The following MTMR10 variants were observed in gnomAD, a reference collection of about 807,000 sequenced individuals.
MTMR10 encodes myotubularin related protein 10, also known as myotubularin-related protein 10.
A neutral mutation model predicts 88.1 loss-of-function variants in MTMR10; 56 were observed. That is an observed-to-expected ratio of 0.64 (90% CI 0.51 to 0.79). The LOEUF is 0.79. Ranked by LOEUF, MTMR10 falls within the 30% of genes least tolerant of loss-of-function variation. The probability of loss-of-function intolerance (pLI) is 0.00; values close to 1 mark genes in which losing one functional copy is unlikely to be tolerated. For synonymous variants in MTMR10, 380 were observed against 340.9 expected (o/e 1.11, Z -1.26); for missense variants, 883 against 924.7 (o/e 0.95, Z 0.58).
chr15:30,975,074 C>A, intron 3 of MTMR10, 71 bp from the exon 4 acceptor site: 1 of 1,165,174 alleles, frequency 8.6e-7, no homozygotes. Context: ...AAGCCTTAAA[C>A]TGTGATGATA....
chr15:30,988,615 C>A (rs1010168131), intron 2 of MTMR10, among the ~76,000 whole-genome samples: 7 of 152,166 alleles, frequency 4.6e-5, no homozygotes, highest in African/African-American at 1.7e-4. Context: ...GAATTGATAA[C>A]CCTCAGTGAG....
Position 30,941,463 on chromosome 15 carries a change from C to G in MTMR10, c.*7G>C. 1 of 1,595,582 alleles carries G rather than the reference C, an allele frequency of 6.3e-7. No individual in the cohort carries two copies. The highest frequency in any genetic ancestry group is 8.5e-7 in the Non-Finnish European group (1 of 1,170,858). Reference sequence around the variant, plus strand: ...CTTCCCTCAAAATGTTCAGAAAACACCCTATTTTAGTCTTCATTTGCTAAT... The same window carrying G: ...CTTCCCTCAAAATGTTCAGAAAACAGCCTATTTTAGTCTTCATTTGCTAAT... On this transcript the variant is annotated 3_prime_UTR_variant, in exon 16 of 16. Coordinates refer to ENST00000435680, the MANE Select transcript of MTMR10 (RefSeq NM_017762.3).
At chr15:30,977,424 T>C (rs1290763529) in intron 2 of MTMR10, among the ~76,000 whole-genome samples, 1 of 152,224 alleles carries the variant, frequency 6.6e-6, no homozygotes, top group African/African-American at 2.4e-5. Flanking sequence ...ATGTATTCCA[T>C]AAAGCCAAAT....
intron 4 of MTMR10, among the ~76,000 whole-genome samples, 156 bp from the exon 5 acceptor site, chr15:30,974,612 G>C (rs2029977439): frequency 6.6e-6 from 1 of 151,916 alleles, no homozygotes; most frequent in Non-Finnish European, 1.5e-5. Context: ...CTAGAACTTG[G>C]GGGTTGGTTT....
intron 2 of MTMR10, among the ~76,000 whole-genome samples, chr15:30,979,994 C>T (rs1949967737): frequency 6.6e-6 from 1 of 152,186 alleles, no homozygotes. Context: ...AAACAAATAC[C>T]TTATGGTCCG....
In MTMR10 at chr15:30,953,496, C is replaced by T. The variant is rs930221630; in HGVS notation, c.1136+66G>A. 9 of 1,242,478 alleles carry T rather than the reference C, an allele frequency of 7.2e-6. No individual in the cohort carries two copies. The East Asian group carries it at 2.3e-4, about 32-fold the overall frequency. 77.0% of individuals were successfully genotyped at this position (1,242,478 alleles called of 1,614,324 possible). A position where few individuals can be genotyped will look rare whatever the true frequency, so the allele number is the denominator to read the frequency against. ...ATGGCCCTCTGTGCTATTTTTGTAC[C>T]TCCAGTGAGTCTGTAGTTATCTCAA... On this transcript the variant is annotated intron_variant, in intron 11 of 15. Transcript: ENST00000435680.
At chr15:30,955,362 C>G (rs1351165707) in intron 9 of MTMR10, among the ~76,000 whole-genome samples, 1 of 152,216 alleles carries the variant, frequency 6.6e-6, no homozygotes, top group African/African-American at 2.4e-5. Flanking sequence ...CCTCCCCCTC[C>G]CGGGTTCAAG....
intron 11 of MTMR10, among the ~76,000 whole-genome samples, chr15:30,952,339 G>T (rs1397774749): frequency 1.3e-5 from 2 of 152,166 alleles, no homozygotes; most frequent in Admixed American, 6.5e-5. Flanking sequence ...TTACTTATAC[G>T]ATTTCTCAAA....
downstream of MTMR10, among the ~76,000 whole-genome samples, chr15:30,934,175 C>A (rs893859533): frequency 1.3e-5 from 2 of 152,190 alleles, no homozygotes; most frequent in African/African-American, 4.8e-5. Context: ...CAGTGACCCC[C>A]CCTTTACACC....
chr15:30,944,989 G>C (rs1245689964), intron 14 of MTMR10, among the ~76,000 whole-genome samples: 1 of 151,462 alleles, frequency 6.6e-6, no homozygotes, highest in East Asian at 1.9e-4. Context: ...TCCAGCCTGG[G>C]TGACAGAGCC....
rs755277542 is a variant in MTMR10 at position 30,940,214 on chromosome 15, T to TAAGA, written c.*1252_*1255dup. The TAAGA allele has an allele frequency of 4.3e-5, 42 of 985,098 alleles. No homozygotes were observed. The highest frequency in any genetic ancestry group is 7.0e-5 in the African/African-American group (4 of 57,184). 61.0% of individuals were successfully genotyped at this position (985,098 alleles called of 1,614,324 possible). On this transcript the variant is annotated 3_prime_UTR_variant, in exon 16 of 16. Transcript: ENST00000435680. ...GAGGTGGTGCCCCGTTTCACTGCTGTAAGAAGCTTCAGCTTTGACCGCTAC... is the reference window on the plus strand; with the variant it reads ...GAGGTGGTGCCCCGTTTCACTGCTGTAAGAAAGAAGCTTCAGCTTTGACCGCTAC...
At position 30,941,828 on chromosome 15, in the gene MTMR10, A is replaced by C; in HGVS notation, c.1976T>G (p.Leu659Arg). ...VSGTHIKLWK[L>R]CYFRWVPEAQ... ...CTCGGGAACCCAGCGGAAGTAGCAC[A>C]GTTTCCACAGTTTTATGTGTGTTCC... The change falls in exon 16 of 16, where the codon CTG becomes CGG. Residue 659 changes from leucine to arginine, a missense_variant. Leu to Arg is a moderately radical substitution (Grantham distance 102). This residue lies in a region of MTMR10 where 343 missense variants were observed against 323.2 expected (regional missense o/e 1.06). Transcript: ENST00000435680. The C allele has an allele frequency of 6.2e-7, 1 of 1,614,060 alleles. No homozygotes were observed. Among genetic ancestry groups the C allele is most frequent in the Non-Finnish European group, 8.5e-7 (1 of 1,179,898 alleles).
rs1462486807 is a variant in MTMR10 at position 30,940,410 on chromosome 15, T to C, written c.*1060A>G. The C allele has an allele frequency of 1.0e-6, 1 of 985,330 alleles. No homozygotes were observed. Among genetic ancestry groups the C allele is most frequent in the East Asian group, 1.1e-4 (1 of 8,836 alleles). The allele number at this position is 985,330 out of a possible 1,614,324, so 61.0% of individuals were successfully genotyped here. ...TGGCAGTGTTTTGAGAGAATCCATTTTTTTATTTCTCCTCTATTCCTAAGC... is the reference window on the plus strand; with the variant it reads ...TGGCAGTGTTTTGAGAGAATCCATTCTTTTATTTCTCCTCTATTCCTAAGC... On this transcript the variant is annotated 3_prime_UTR_variant, in exon 16 of 16. Coordinates refer to ENST00000435680, the MANE Select transcript of MTMR10 (RefSeq NM_017762.3).
intron 5 of MTMR10, among the ~76,000 whole-genome samples, chr15:30,969,608 T>C (rs1299206256): frequency 5.9e-5 from 9 of 152,172 alleles, no homozygotes; most frequent in African/African-American, 2.2e-4. Context: ...CCTTACATTC[T>C]AGAAATCTAC....
chr15:30,950,609 G>A (rs2063230609), intron 12 of MTMR10, among the ~76,000 whole-genome samples: 1 of 151,734 alleles, frequency 6.6e-6, no homozygotes, highest in African/African-American at 2.4e-5. Context: ...GGTGGAGGTT[G>A]CAGTGAGCTG....
chr15:30,975,461 T>TC (rs34640769), intron 3 of MTMR10, among the ~76,000 whole-genome samples: 40,432 of 152,092 alleles, frequency 0.27, 5,896 homozygotes, highest in Non-Finnish European at 0.33. Context: ...ACACTATCAA[T>TC]CTGCTGTCAG....
chr15:30,985,635 G>C (rs1009441115), intron 2 of MTMR10, among the ~76,000 whole-genome samples: 14 of 152,210 alleles, frequency 9.2e-5, no homozygotes, highest in African/African-American at 3.4e-4. Flanking sequence ...TGATTAATCT[G>C]CAAGCTATAT....
chr15:30,929,172 A>C, the MTMR10 span: 5 of 1,602,814 alleles, frequency 3.1e-6, no homozygotes, highest in Non-Finnish European at 4.3e-6. Flanking sequence ...CTGCAGGCAC[A>C]GTATGACAGC....
chr15:30,922,113 T>A, the MTMR10 span: 1 of 1,296,560 alleles, frequency 7.7e-7, no homozygotes, highest in Non-Finnish European at 1.1e-6. Flanking sequence ...GTCCTTGGCC[T>A]CATTGTAGAA....
Sources: allele counts gnomAD v4.1 joint callset (sites outside exome capture counted in the v4.1 genomes callset), GRCh38; gene constraint gnomAD v4.1.1; regional missense constraint gnomAD v4.1.1; transcripts MANE v1.5; gene names NCBI Gene and HGNC (gene_info 2026-07-23, HGNC 2026-07-21).